Variants in CEP164 observed in about 807,000 individuals in gnomAD.
The protein encoded by CEP164 is centrosomal protein of 164 kDa.
A neutral mutation model predicts 182.7 loss-of-function variants in CEP164; 162 were observed. The observed-to-expected ratio is 0.89, with a 90% confidence interval of 0.78 to 1.01. The LOEUF is 1.01. Ranked by LOEUF, CEP164 falls within the 50% of genes least tolerant of loss-of-function variation. The pLI is 0.00. For synonymous variants in CEP164, 661 were observed against 690.0 expected (o/e 0.96, Z 0.66); for missense variants, 1,735 against 1,790.4 (o/e 0.97, Z 0.56).
intron 1 of CEP164, among the ~76,000 whole-genome samples, chr11:117,333,178 G>T (rs1319318667): frequency 7.9e-6 from 1 of 127,034 alleles, no homozygotes; most frequent in Non-Finnish European, 1.6e-5. Flanking sequence ...ATGCATGGCT[G>T]ATATTTTTAA....
rs573577003 is a variant in CEP164, at chr11:117,359,595, C to T, written c.394-2240C>T. 1.4e-5 allele frequency: 14 copies of T among 985,332 alleles called. No individual in the cohort carries two copies. The East Asian group carries it at 4.5e-4, about 32-fold the overall frequency. 61.0% of individuals were successfully genotyped at this position (985,332 alleles called of 1,614,324 possible). On this transcript the variant is annotated intron_variant, in intron 5 of 32. Coordinates refer to ENST00000278935, the MANE Select transcript of CEP164 (RefSeq NM_014956.5). ...TGGATCTTCTGAACCTCAGCCTGAC[C>T]GCCTCTGGGTTTCCTTTTCTCTCTT...
intron 3 of CEP164, among the ~76,000 whole-genome samples, chr11:117,342,665 G>A (rs1305954896): frequency 2.0e-5 from 3 of 151,366 alleles, no homozygotes; most frequent in African/African-American, 4.9e-5. Flanking sequence ...TTATATAGAC[G>A]AGGTTTCTCC....
rs143378921 is a variant in CEP164, at chr11:117,374,504, A to AG, written c.1233+678dup. ...GTCAGGGATGAACAGTAATGATATGAGGGGGTGCAGAAGAATTAGGAAGCT... is the reference window on the plus strand; with the variant it reads ...GTCAGGGATGAACAGTAATGATATGAGGGGGGTGCAGAAGAATTAGGAAGCT... On this transcript the variant is annotated intron_variant, in intron 10 of 32. Transcript: ENST00000278935. 2.7e-3 allele frequency among the ~76,000 whole-genome samples: 409 copies of AG among 152,250 alleles called. 2 individuals carry two copies. Among genetic ancestry groups the AG allele is most frequent in the African/African-American group, 9.3e-3 (385 of 41,530 alleles).
At position 117,353,072 on chromosome 11, in the gene CEP164, G is replaced by A. The variant is rs531032223; in HGVS notation, c.393+1084G>A. Among the ~76,000 whole-genome samples, 9 of 152,254 alleles carry A rather than the reference G, an allele frequency of 5.9e-5. No individual in the cohort carries two copies. The South Asian group carries it at 1.9e-3, about 32-fold the overall frequency. On this transcript the variant is annotated intron_variant, in intron 5 of 32. Transcript: ENST00000278935. ...GCCCAGGCTCTCCCAGAACGCTGTGGTGGTCCCTTTCCCCAGGCCTGGGGC... is the reference window on the plus strand; with the variant it reads ...GCCCAGGCTCTCCCAGAACGCTGTGATGGTCCCTTTCCCCAGGCCTGGGGC...
chr11:117,354,600 A>G (rs1217082307), intron 5 of CEP164, among the ~76,000 whole-genome samples: 4 of 152,162 alleles, frequency 2.6e-5, no homozygotes, highest in Non-Finnish European at 4.4e-5. Flanking sequence ...TTTGCAAACC[A>G]TTGATCTAGT....
chr11:117,373,959 T>C lies in CEP164; in HGVS notation c.1233+128T>C, dbSNP rs1201272633. The C allele has an allele frequency of 4.3e-6, 3 of 697,850 alleles. No individual in the cohort carries two copies. In the African/African-American group the frequency reaches 5.4e-5, roughly 12 times the overall value. The allele number at this position is 697,850 out of a possible 1,614,324, so 43.2% of individuals were successfully genotyped here. A position where few individuals can be genotyped will look rare whatever the true frequency, so the allele number is the denominator to read the frequency against. On this transcript the variant is annotated intron_variant, in intron 10 of 32. Coordinates refer to ENST00000278935, the MANE Select transcript of CEP164 (RefSeq NM_014956.5). ...GAATTTCGAACTCATGCTTGAGTCT[T>C]GTCTAGCTCCAGTTTCTCAACCCAT...
At chr11:117,371,052 C>G (rs1397553144) in intron 8 of CEP164, 28 bp from the exon 9 acceptor site, 2 of 1,534,650 alleles carry the variant, frequency 1.3e-6, no homozygotes, top group East Asian at 2.3e-5. Context: ...TTTTGTCTTC[C>G]TTTCTAACAT....
chr11:117,379,878 A>C (rs2043136402), intron 11 of CEP164, among the ~76,000 whole-genome samples: 1 of 144,716 alleles, frequency 6.9e-6, no homozygotes, highest in Non-Finnish European at 1.5e-5. Context: ...TTTTTTTTAA[A>C]CCAACTTGCT....
At chr11:117,383,764 C>T (rs1474016175) in intron 14 of CEP164, among the ~76,000 whole-genome samples, 13 of 152,144 alleles carry the variant, frequency 8.5e-5, no homozygotes, top group African/African-American at 2.2e-4. Flanking sequence ...AGGCCGGGCG[C>T]GGTGGCTCAC....
At chr11:117,357,558 A>T (rs1219586635) in intron 5 of CEP164, among the ~76,000 whole-genome samples, 2 of 149,940 alleles carry the variant, frequency 1.3e-5, no homozygotes, top group Admixed American at 6.7e-5. Flanking sequence ...AGTAGCTGGG[A>T]CTACAGGCGT....
rs771401719 is a variant in CEP164 at position 117,393,106 on chromosome 11, A to T, written c.2596A>T (p.Arg866Ter). Residue 866 changes from arginine (R) to a stop codon, truncating the protein, a stop_gained, in exon 20 of 33, where the codon AGA becomes TGA. Transcript: ENST00000278935. LOFTEE classifies it high-confidence loss of function. ...EEHQQVMAKAREQYEAEERKQ... is the reference protein window; with the variant it reads ...EEHQQVMAKA ...GCACCAGCAAGTGATGGCTAAGGCC[A>T]GAGAGCAGTATGAAGCTGAGGTAGC... The T allele has an allele frequency of 6.2e-7, 1 of 1,613,376 alleles. No individual in the cohort carries two copies. The highest frequency in any genetic ancestry group is 8.5e-7 in the Non-Finnish European group (1 of 1,179,720).
intron 28 of CEP164, 70 bp downstream of exon 28, chr11:117,408,102 T>G (rs773599549): frequency 1.1e-5 from 14 of 1,235,098 alleles, no homozygotes; most frequent in Non-Finnish European, 1.5e-5. Context: ...TTGGGTTGAG[T>G]TCTTTGGTCC....
At chr11:117,326,361 C>T (rs1326822568), upstream of CEP164, among the ~76,000 whole-genome samples, 2 of 151,804 alleles carry the variant, frequency 1.3e-5, no homozygotes, top group African/African-American at 4.8e-5. Flanking sequence ...GCCTCCTGAG[C>T]AGCTGGGACT....
At chr11:117,354,268 G>T (rs999578976) in intron 5 of CEP164, among the ~76,000 whole-genome samples, 1 of 152,016 alleles carries the variant, frequency 6.6e-6, no homozygotes, top group Non-Finnish European at 1.5e-5. Flanking sequence ...TCCGCCCGCC[G>T]CAGCCTCCTA....
chr11:117,390,124 G>A (rs560745253), intron 15 of CEP164, among the ~76,000 whole-genome samples: 11 of 151,506 alleles, frequency 7.3e-5, no homozygotes, highest in Non-Finnish European at 1.6e-4. Context: ...TGTATTTTTA[G>A]TAGAGACGGG....
intron 27 of CEP164, among the ~76,000 whole-genome samples, chr11:117,400,378 G>T (rs12288963): frequency 1.3e-4 from 20 of 152,134 alleles, no homozygotes; most frequent in African/African-American, 4.8e-4. Context: ...ATGCTGTTTT[G>T]GTTACTGTAG....
intron 2 of CEP164, among the ~76,000 whole-genome samples, chr11:117,337,097 G>A (rs1410873145): frequency 6.6e-6 from 1 of 152,096 alleles, no homozygotes; most frequent in East Asian, 1.9e-4. Context: ...TCTTCGCTTG[G>A]GCTGCCGTAA....
chr11:117,325,631 CT>C (rs1480915434), upstream of CEP164, among the ~76,000 whole-genome samples: 2 of 152,174 alleles, frequency 1.3e-5, no homozygotes, highest in Non-Finnish European at 2.9e-5. Context: ...GGCGATCTGC[CT>C]GCCTCGGCCT....
chr11:117,362,456 T>C lies in CEP164; in HGVS notation c.605T>C (p.Ile202Thr). 1.2e-6 allele frequency: 2 copies of C among 1,613,614 alleles called. No homozygotes were observed. Among genetic ancestry groups the C allele is most frequent in the Admixed American group, 1.7e-5 (1 of 60,014 alleles). ...SAYTKGLLGS[I>T]YEDKTALSLL... ...TATACAAAGGGTCTCTTGGGCTCCA[T>C]ATATGAGGACAAGACTGCTCTCAGC... The change falls in exon 7 of 33, where the codon ATA becomes ACA. Residue 202 changes from isoleucine (I) to threonine (T), a missense_variant. By Grantham distance (89) the Ile-to-Thr change is moderately conservative (BLOSUM62 -1). Transcript: ENST00000278935.
Sources: allele counts gnomAD v4.1 joint callset (sites outside exome capture counted in the v4.1 genomes callset), GRCh38; gene constraint gnomAD v4.1.1; transcripts MANE v1.5; gene names NCBI Gene and HGNC (gene_info 2026-07-23, HGNC 2026-07-21).